The following SYT17 variants were observed in gnomAD, a reference collection of about 807,000 sequenced individuals.
SYT17 encodes synaptotagmin-17.
SYT17 carries 22 observed loss-of-function variants against 46.7 expected under a neutral mutation model. That is an observed-to-expected ratio of 0.47 (90% CI 0.34 to 0.67). The LOEUF (loss-of-function observed/expected upper bound fraction) is 0.67. Among genes scored for constraint, SYT17 ranks in the 30% least tolerant of loss-of-function variants. The probability of loss-of-function intolerance (pLI) is 0.01; values close to 1 mark genes in which losing one functional copy is unlikely to be tolerated. For missense variants in SYT17, 519 were observed against 612.8 expected, an observed-to-expected ratio of 0.85 and a Z score of 1.62; for synonymous variants, 251 against 248.4, an observed-to-expected ratio of 1.01 and a Z score of -0.10.
chr16:19,259,682 A>AT (rs67609928), intron 7 of SYT17, among the ~76,000 whole-genome samples: 63,327 of 147,822 alleles, frequency 0.43, 14,317 homozygotes, highest in East Asian at 0.58. Flanking sequence ...GAATGTTTTG[A>AT]TTTTTTTTTT....
At chr16:19,187,962 A>T (rs1964849616) in intron 5 of SYT17, among the ~76,000 whole-genome samples, 1 of 152,178 alleles carries the variant, frequency 6.6e-6, no homozygotes, top group South Asian at 2.1e-4. Context: ...ATACCTTTCC[A>T]CCCAGCAATC....
chr16:19,224,909 G>T, intron 7 of SYT17, 71 bp downstream of exon 7: 1 of 1,549,648 alleles, frequency 6.5e-7, no homozygotes, highest in South Asian at 1.1e-5. Context: ...GAGCCAGAAG[G>T]CATCTAGAGA....
Position 19,173,483 on chromosome 16 carries a change from C to T in SYT17, c.87C>T (p.His29=), listed in dbSNP as rs753986370. The stretch of plus-strand genomic sequence containing the variant: ...TGCTGTGCAGATGGACCTGCCGGCA[C>T]TGCTGTCAGAAGTGCTACGAGTCCA... ...GLLLCRWTCR[H]CCQKCYESSC... The change falls in exon 3 of 8, where the codon CAC becomes CAT. Residue 29 remains histidine, a synonymous_variant. Coordinates refer to ENST00000355377, the MANE Select transcript of SYT17 (RefSeq NM_016524.4). 1 of 1,613,410 alleles carries T rather than the reference C, an allele frequency of 6.2e-7. No homozygotes were observed. The highest frequency in any genetic ancestry group is 1.7e-5 in the Admixed American group (1 of 59,928).
rs906130170 is a variant in SYT17 at position 19,267,803 on chromosome 16, A to G, written c.*727A>G. 2.7e-4 allele frequency: 41 copies of G among 152,218 alleles called. No individual in the cohort carries two copies. Among genetic ancestry groups the G allele is most frequent in the Admixed American group, 2.4e-3 (37 of 15,272 alleles). 9.4% of individuals were successfully genotyped at this position (152,218 alleles called of 1,614,324 possible). A position where few individuals can be genotyped will look rare whatever the true frequency, so the allele number is the denominator to read the frequency against. ...CTCACAGGCGAACACGTGTGTGCCTATGTGTCCTCTTGGAGAGCATGGCGA... is the reference window on the plus strand; with the variant it reads ...CTCACAGGCGAACACGTGTGTGCCTGTGTGTCCTCTTGGAGAGCATGGCGA... On this transcript the variant is annotated 3_prime_UTR_variant, in exon 8 of 8. Transcript: ENST00000355377.
intron 3 of SYT17, among the ~76,000 whole-genome samples, chr16:19,177,684 C>T (rs1312898057): frequency 1.3e-5 from 2 of 152,134 alleles, no homozygotes; most frequent in Admixed American, 6.5e-5. Context: ...CTTGGGGATA[C>T]ATTAATTGTC....
At chr16:19,211,159 C>T (rs544076237) in intron 5 of SYT17, 19 of 409,664 alleles carry the variant, frequency 4.6e-5, no homozygotes, top group Admixed American at 1.2e-4. Context: ...TTAAGCGCAT[C>T]GGGCTCTTAC....
intron 7 of SYT17, among the ~76,000 whole-genome samples, chr16:19,242,210 G>A (rs1301467766): frequency 6.6e-6 from 1 of 152,178 alleles, no homozygotes; most frequent in Non-Finnish European, 1.5e-5. Context: ...CATTCTAGTT[G>A]GGGTGAGATA....
At chr16:19,262,233 C>T (rs1009275534) in intron 7 of SYT17, among the ~76,000 whole-genome samples, 5 of 152,128 alleles carry the variant, frequency 3.3e-5, no homozygotes, top group Admixed American at 2.6e-4. Flanking sequence ...AATCCTAATC[C>T]CCATGTGGGA....
At chr16:19,230,188 A>G (rs936165232) in intron 7 of SYT17, among the ~76,000 whole-genome samples, 3 of 152,212 alleles carry the variant, frequency 2.0e-5, no homozygotes, top group Admixed American at 6.5e-5. Context: ...TGGGTGGATC[A>G]CCTGAGGTGA....
intron 7 of SYT17, among the ~76,000 whole-genome samples, chr16:19,239,241 C>T (rs1431776719): frequency 6.6e-6 from 1 of 152,020 alleles, no homozygotes; most frequent in East Asian, 1.9e-4. Flanking sequence ...CATACCACTG[C>T]ACTCCAGCCT....
rs921437817 is a variant in SYT17 at position 19,183,879 on chromosome 16, A to G, written c.683A>G (p.Asn228Ser). 1.2e-6 allele frequency: 2 copies of G among 1,613,828 alleles called. No individual in the cohort carries two copies. Among genetic ancestry groups the G allele is most frequent in the African/African-American group, 2.7e-5 (2 of 74,848 alleles). The change falls in exon 5 of 8, where the codon AAC becomes AGC. Residue 228 changes from asparagine to serine, a missense_variant. Transcript: ENST00000355377. This position sits in a 1 kb window ranked among gnomAD's most constrained non-coding sequence, Gnocchi z 5.6. ...DGSRQDMAHS[N>S]PYVKICLLPD... ...TCGCGCCAGGACATGGCGCACTCCAACCCCTACGTCAAGATCTGTCTCCTG... is the reference window on the plus strand; with the variant it reads ...TCGCGCCAGGACATGGCGCACTCCAGCCCCTACGTCAAGATCTGTCTCCTG...
intron 5 of SYT17, among the ~76,000 whole-genome samples, chr16:19,190,398 T>TA (rs1201997222): frequency 2.6e-5 from 4 of 152,148 alleles, no homozygotes; most frequent in Non-Finnish European, 5.9e-5. Flanking sequence ...TTATTAGTTT[T>TA]AATTGTGGGA....
At position 19,234,700 on chromosome 16, in the gene SYT17, C is replaced by T. The variant is rs148738098; in HGVS notation, c.1228+9862C>T. 2.6e-5 allele frequency among the ~76,000 whole-genome samples: 4 copies of T among 152,302 alleles called. No homozygotes were observed. The East Asian group carries it at 7.7e-4, about 29-fold the overall frequency. ...GTGACACTGCCTCTCTGAGATCCAG[C>T]TTACTTTTGTGTAAAGTGTAGCAAT... On this transcript the variant is annotated intron_variant, in intron 7 of 7. Transcript: ENST00000355377.
intron 7 of SYT17, among the ~76,000 whole-genome samples, chr16:19,265,842 A>C (rs981603310): frequency 6.6e-6 from 1 of 152,256 alleles, no homozygotes; most frequent in Non-Finnish European, 1.5e-5. Context: ...GTTGGGATTA[A>C]CAGAGAAGCC....
intron 7 of SYT17, among the ~76,000 whole-genome samples, chr16:19,246,530 A>C (rs1348830486): frequency 6.6e-6 from 1 of 152,192 alleles, no homozygotes; most frequent in Non-Finnish European, 1.5e-5. Context: ...CCCTACTTAG[A>C]GCTAACCACT....
At chr16:19,196,619 C>T (rs1056827571) in intron 5 of SYT17, among the ~76,000 whole-genome samples, 1 of 151,918 alleles carries the variant, frequency 6.6e-6, no homozygotes, top group Non-Finnish European at 1.5e-5. Context: ...GAGGAAGGGA[C>T]AAAGGTTTCC....
intron 7 of SYT17, among the ~76,000 whole-genome samples, chr16:19,252,551 ATAAC>A (rs1352951423): frequency 8.4e-6 from 1 of 119,048 alleles, no homozygotes; most frequent in Non-Finnish European, 1.6e-5. Context: ...TTTTTTTTAA[ATAAC>A]TTGAGGTCAT....
intron 5 of SYT17, among the ~76,000 whole-genome samples, chr16:19,209,791 T>C (rs1184041558): frequency 6.6e-6 from 1 of 151,614 alleles, no homozygotes; most frequent in Non-Finnish European, 1.5e-5. Flanking sequence ...GGTAGGAGAA[T>C]GGCGTGAACC....
chr16:19,265,912 A>G (rs1380232620), intron 7 of SYT17, among the ~76,000 whole-genome samples: 1 of 152,258 alleles, frequency 6.6e-6, no homozygotes, highest in East Asian at 1.9e-4. Context: ...CATTACTCTC[A>G]GAAAATTTCC....
Sources: allele counts gnomAD v4.1 joint callset (sites outside exome capture counted in the v4.1 genomes callset), GRCh38; gene constraint gnomAD v4.1.1; non-coding constraint Gnocchi (gnomAD v3.1); transcripts MANE v1.5; gene names NCBI Gene and HGNC (gene_info 2026-07-23, HGNC 2026-07-21).